Variants in IRX2 observed in about 807,000 individuals in gnomAD.
The protein encoded by IRX2 is iroquois-class homeodomain protein IRX-2.
Under a neutral mutation model 42.9 loss-of-function variants are expected in IRX2, and 26 were observed. The observed-to-expected ratio is 0.61, with a 90% CI of 0.44 to 0.84. IRX2 has a LOEUF of 0.84. Ranked by LOEUF, IRX2 falls within the 40% of genes least tolerant of loss-of-function variation. The pLI is 0.00. For missense variants in IRX2, 782 were observed against 713.9 expected (o/e 1.10, Z -1.09); for synonymous variants, 424 against 353.9 (o/e 1.20, Z -2.22).
intron 1 of IRX2, among the ~76,000 whole-genome samples, chr5:2,750,465 G>C (rs757419400): frequency 6.6e-5 from 10 of 152,214 alleles, no homozygotes; most frequent in Non-Finnish European, 1.5e-4. Flanking sequence ...CCGCGGCCCG[G>C]GCCTGGCCCA....
At chr5:2,743,496 G>T (rs2111437290), downstream of IRX2, among the ~76,000 whole-genome samples, 2 of 152,268 alleles carry the variant, frequency 1.3e-5, no homozygotes, top group African/African-American at 4.8e-5. Context: ...GCGGAGAGCA[G>T]AAGGGCTGTC....
intron 3 of IRX2, 81 bp downstream of exon 3, chr5:2,748,264 C>T (rs929684164): frequency 2.4e-6 from 3 of 1,271,998 alleles, no homozygotes; most frequent in Non-Finnish European, 3.0e-6. Flanking sequence ...CCGGACCCTC[C>T]CTCGGGTCTC....
At chr5:2,739,239 C>A in the IRX2 span, among the ~76,000 whole-genome samples, 5 of 152,248 alleles carry the variant, frequency 3.3e-5, no homozygotes, top group African/African-American at 1.2e-4. Context: ...GCCCGCCGGC[C>A]CTCGCTCCGT....
At chr5:2,749,819 T>G (rs1018161560) in intron 1 of IRX2, 32 bp from the exon 2 acceptor site, 51 of 1,550,908 alleles carry the variant, frequency 3.3e-5, no homozygotes, top group Non-Finnish European at 4.3e-5. Flanking sequence ...GAGTGGAGTA[T>G]GCGGAGACCC....
Position 2,749,366 on chromosome 5 carries a change from G to T in IRX2, c.655+16C>A. On this transcript the variant is annotated intron_variant, in intron 2 of 3. Transcript: ENST00000302057. ...GAAAGCGCCCCGAGACCTTGCGCCG[G>T]CCGCTGCCCGCTCACCTTCGTCCTC... 6.3e-7 allele frequency: 1 copy of T among 1,577,752 alleles called. No homozygotes were observed. Among genetic ancestry groups the T allele is most frequent in the South Asian group, 1.2e-5 (1 of 85,752 alleles).
chr5:2,736,520 TTTAG>T, the IRX2 span: 2 of 152,228 alleles, frequency 1.3e-5, no homozygotes, highest in Non-Finnish European at 2.9e-5. Context: ...TCACAAATAA[TTTAG>T]TTATTTTTAT....
rs1737680837 is a variant in IRX2 at position 2,746,766 on chromosome 5, CA to C, written c.*797del. 2 of 47,440 alleles carry C rather than the reference CA, an allele frequency of 4.2e-5. No individual in the cohort carries two copies. The allele number at this position is 47,440 out of a possible 1,614,324, so 2.9% of individuals were successfully genotyped here. A position where few individuals can be genotyped will look rare whatever the true frequency, so the allele number is the denominator to read the frequency against. Reference sequence around the variant, plus strand: ...CTGACTTTTTTTTTTTTTTTTTTTTCAAAGCAATTGTGACACCTACCTGTGG... The same window carrying C: ...CTGACTTTTTTTTTTTTTTTTTTTTCAAGCAATTGTGACACCTACCTGTGG... On this transcript the variant is annotated 3_prime_UTR_variant, in exon 4 of 4. Coordinates refer to ENST00000302057, the MANE Select transcript of IRX2 (RefSeq NM_033267.5).
At position 2,751,177 on chromosome 5, in the gene IRX2, G is replaced by T; in HGVS notation, c.237C>A (p.Phe79Leu). 7.9e-7 allele frequency: 1 copy of T among 1,268,124 alleles called. No individual in the cohort carries two copies. The highest frequency in any genetic ancestry group is 9.9e-7 in the Non-Finnish European group (1 of 1,008,844). 78.6% of individuals were successfully genotyped at this position (1,268,124 alleles called of 1,614,324 possible). ...SADAAAAAAG[F>L]PSYMGAPYDA... ...CGCGCCCGGTTACCATGTAGGACGG[G>T]AAGCCGGCGGCGGCGGCGGCGGCGT... Residue 79 changes from phenylalanine to leucine, a missense_variant, in exon 1 of 4, where the codon TTC becomes TTA. By Grantham distance (22) the Phe-to-Leu change is conservative. Coordinates refer to ENST00000302057, the MANE Select transcript of IRX2 (RefSeq NM_033267.5). The surrounding 1 kb of genome is among the most constrained non-coding windows in gnomAD (Gnocchi z 4.0).
At chr5:2,738,198 G>A in the IRX2 span, among the ~76,000 whole-genome samples, 1 of 152,140 alleles carries the variant, frequency 6.6e-6, no homozygotes, top group African/African-American at 2.4e-5. Context: ...AAACAGTCCA[G>A]CTCCATAGAA....
chr5:2,751,038 A>G lies in IRX2; in HGVS notation c.249+127T>C. On this transcript the variant is annotated intron_variant, in intron 1 of 3. Transcript: ENST00000302057. The surrounding 1 kb of genome is among the most constrained non-coding windows in gnomAD (Gnocchi z 4.0). ...TGCGGGGCGGCCAACCGAGCCGGCG[A>G]CTCCTGAGTCGCCAGCCGCGCCACA... 1 of 1,086,600 alleles carries G rather than the reference A, an allele frequency of 9.2e-7. No individual in the cohort carries two copies. The highest frequency in any genetic ancestry group is 1.1e-6 in the Non-Finnish European group (1 of 874,696). The allele number at this position is 1,086,600 out of a possible 1,614,324, so 67.3% of individuals were successfully genotyped here. A position where few individuals can be genotyped will look rare whatever the true frequency, so the allele number is the denominator to read the frequency against.
chr5:2,750,862 C>T (rs1242019874), intron 1 of IRX2, among the ~76,000 whole-genome samples: 1 of 152,210 alleles, frequency 6.6e-6, no homozygotes, highest in African/African-American at 2.4e-5. Flanking sequence ...CGGCGCCAGA[C>T]CCCGGCCCCG....
intron 3 of IRX2, among the ~76,000 whole-genome samples, 169 bp downstream of exon 3, chr5:2,748,176 C>T (rs565159663): frequency 1.3e-5 from 2 of 152,334 alleles, no homozygotes; most frequent in South Asian, 2.1e-4. Flanking sequence ...AGGGCCACAC[C>T]TTCTTTGGCT....
chr5:2,750,498 G>A (rs766540471), intron 1 of IRX2, among the ~76,000 whole-genome samples: 5 of 152,178 alleles, frequency 3.3e-5, no homozygotes, highest in South Asian at 4.1e-4. Context: ...CGAGACTCGC[G>A]AGCCGCCCCC....
At chr5:2,749,859 C>G (rs1309810152) in intron 1 of IRX2, 72 bp from the exon 2 acceptor site, 1 of 1,454,284 alleles carries the variant, frequency 6.9e-7, no homozygotes, top group Non-Finnish European at 9.2e-7. Context: ...GATGCCACCC[C>G]TCCGCCCGCC....
At chr5:2,744,138 G>A (rs559921978), downstream of IRX2, among the ~76,000 whole-genome samples, 30 of 149,718 alleles carry the variant, frequency 2.0e-4, no homozygotes, top group Non-Finnish European at 3.6e-4. Flanking sequence ...AACAGGGATC[G>A]CATGTTCAGG....
intron 1 of IRX2, among the ~76,000 whole-genome samples, chr5:2,750,203 C>A (rs1445728183): frequency 2.0e-5 from 3 of 152,202 alleles, no homozygotes; most frequent in Admixed American, 2.0e-4. Flanking sequence ...AAAAAACACC[C>A]CAGAGCCCCC....
downstream of IRX2, among the ~76,000 whole-genome samples, chr5:2,741,490 G>C (rs935395131): frequency 6.6e-6 from 1 of 152,160 alleles, no homozygotes; most frequent in Non-Finnish European, 1.5e-5. Context: ...AAGGAGGAGA[G>C]GTGTAGGGGT....
At chr5:2,742,553 CAAA>C, downstream of IRX2, among the ~76,000 whole-genome samples, 1 of 151,856 alleles carries the variant, frequency 6.6e-6, no homozygotes, top group Middle Eastern at 3.4e-3. Flanking sequence ...TTAACGCTTT[CAAA>C]AAAATAGTTA....
the IRX2 span, among the ~76,000 whole-genome samples, chr5:2,739,485 C>T: frequency 6.6e-6 from 1 of 152,190 alleles, no homozygotes; most frequent in African/African-American, 2.4e-5. Flanking sequence ...CGAGCTCTGC[C>T]GCCGAGCGCA....
Sources: allele counts gnomAD v4.1 joint callset (sites outside exome capture counted in the v4.1 genomes callset), GRCh38; gene constraint gnomAD v4.1.1; non-coding constraint Gnocchi (gnomAD v3.1); transcripts MANE v1.5; gene names NCBI Gene and HGNC (gene_info 2026-07-23, HGNC 2026-07-21).